Variants in TNRC18 observed in about 807,000 individuals in gnomAD.
TNRC18 encodes trinucleotide repeat containing 18.
Under a neutral mutation model 226.7 loss-of-function variants are expected in TNRC18, and 69 were observed. The ratio of observed to expected loss-of-function variants is 0.30; its 90% CI spans 0.25 to 0.37. The LOEUF is 0.37. Among genes scored for constraint, TNRC18 ranks in the 10% least tolerant of loss-of-function variants. The probability of loss-of-function intolerance (pLI) is 1.00; values close to 1 mark genes in which losing one functional copy is unlikely to be tolerated. For synonymous variants in TNRC18, 2,449 were observed against 1,927.6 expected (o/e 1.27, Z -7.09); for missense variants, 4,754 against 4,256.6 (o/e 1.12, Z -3.25).
Position 5,315,162 on chromosome 7 carries a change from G to C in TNRC18, c.6863-14C>G. ...ACGGCTCAGCACCTGTGGGGCAGAGGACAGAGTGGCTCATCAGGCCTGGGG... is the reference window on the plus strand; with the variant it reads ...ACGGCTCAGCACCTGTGGGGCAGAGCACAGAGTGGCTCATCAGGCCTGGGG... On this transcript the variant is annotated splice_polypyrimidine_tract_variant and intron_variant, in intron 25 of 29. Coordinates refer to ENST00000430969, the MANE Select transcript of TNRC18 (RefSeq NM_001080495.3). 6 of 1,609,112 alleles carry C rather than the reference G, an allele frequency of 3.7e-6. No homozygotes were observed. The highest frequency in any genetic ancestry group is 5.1e-6 in the Non-Finnish European group (6 of 1,178,300).
At chr7:5,403,544 G>C (rs964018118) in intron 2 of TNRC18, among the ~76,000 whole-genome samples, 1 of 152,094 alleles carries the variant, frequency 6.6e-6, no homozygotes, top group African/African-American at 2.4e-5. Context: ...GTCAATCCTA[G>C]GACTTTGGGA....
chr7:5,398,734 C>T (rs1780878670), intron 2 of TNRC18, among the ~76,000 whole-genome samples: 1 of 152,148 alleles, frequency 6.6e-6, no homozygotes, highest in Admixed American at 6.6e-5. Flanking sequence ...CCTCCAGCCT[C>T]AGCCTCCTGG....
chr7:5,382,521 T>C (rs1779468733), intron 5 of TNRC18, among the ~76,000 whole-genome samples: 1 of 152,040 alleles, frequency 6.6e-6, no homozygotes, highest in African/African-American at 2.4e-5. Flanking sequence ...CCAGATAGGG[T>C]TGCTCTCCAG....
At chr7:5,355,257 A>T (rs1334099052) in intron 16 of TNRC18, among the ~76,000 whole-genome samples, 4 of 151,186 alleles carry the variant, frequency 2.6e-5, no homozygotes, top group African/African-American at 9.8e-5. Context: ...AACCATGAGG[A>T]CGCTCCAATC....
Position 5,332,887 on chromosome 7 carries a change from G to C in TNRC18, c.5882C>G (p.Ala1961Gly), listed in dbSNP as rs1429606272. ...GCGCCCCTTCTCCACCGCCAGCTTG[G>C]CCTTGTCTGGGCTGCTGGGGTCGGG... ...RGPDPSSPDK[A>G]KLAVEKGRKA... is the part of the protein sequence containing the mutation. The change falls in exon 19 of 30, where the codon GCC becomes GGC. Residue 1961 changes from alanine (A) to glycine (G), a missense_variant. Physicochemically the swap from Ala to Gly is moderately conservative, Grantham distance 60. Coordinates refer to ENST00000430969, the MANE Select transcript of TNRC18 (RefSeq NM_001080495.3). The C allele has an allele frequency of 6.6e-7, 1 of 1,525,314 alleles. No homozygotes were observed. The highest frequency in any genetic ancestry group is 1.4e-5 in the African/African-American group (1 of 71,598). 94.5% of individuals were successfully genotyped at this position (1,525,314 alleles called of 1,614,324 possible).
In TNRC18 at chr7:5,325,176, C is replaced by T; in HGVS notation, c.6220G>A (p.Ala2074Thr). ...AGGGAGCTGGCGTGAGGAGCCCTGG[C>T]CTCAGAGGGCAAGGCAGGAGCTCGG... ...PPRAPALPSE[A>T]RAPHASSLTA... is the part of the protein sequence containing the mutation. The change falls in exon 20 of 30, where the codon GCC (alanine) becomes ACC (threonine). Residue 2074 changes from alanine (A) to threonine (T), a missense_variant. Coordinates refer to ENST00000430969, the MANE Select transcript of TNRC18 (RefSeq NM_001080495.3). 6.4e-7 allele frequency: 1 copy of T among 1,553,734 alleles called. No individual in the cohort carries two copies. The highest frequency in any genetic ancestry group is 8.7e-7 in the Non-Finnish European group (1 of 1,148,940).
rs1158406560 is a variant in TNRC18, at chr7:5,359,469, C to T, written c.4762G>A (p.Gly1588Arg). 4.3e-6 allele frequency: 7 copies of T among 1,613,926 alleles called. No homozygotes were observed. The highest frequency in any genetic ancestry group is 2.2e-5 in the South Asian group (2 of 91,092). ...TTCCTCCCCCTGGCTTTCCCCATTC[C>T]GATGAGGGCATCATGTTCCTCCTCA... ...GSEEEHDALIGMGKARGRNQT... is the reference protein window; with the variant it reads ...GSEEEHDALIRMGKARGRNQT... Residue 1588 changes from glycine (G) to arginine (R), a missense_variant, in exon 15 of 30, where the codon GGA becomes AGA. Coordinates refer to ENST00000430969, the MANE Select transcript of TNRC18 (RefSeq NM_001080495.3).
intron 2 of TNRC18, among the ~76,000 whole-genome samples, chr7:5,400,498 TAC>T (rs1781009887): frequency 6.6e-6 from 1 of 152,058 alleles, no homozygotes. Context: ...TAGTCCCAGC[TAC>T]TCGGGAGGTT....
At chr7:5,379,793 T>G (rs1362742929) in intron 5 of TNRC18, among the ~76,000 whole-genome samples, 2 of 152,178 alleles carry the variant, frequency 1.3e-5, no homozygotes, top group Admixed American at 6.5e-5. Flanking sequence ...GGCTCCCAGG[T>G]GCCATTCGCA....
rs902802188 is a variant in TNRC18, at chr7:5,313,169, GCTGCTGCTGCTGCTGCTA to G, written c.7704_7721del (p.Ser2572_Ser2577del). 3.9e-6 allele frequency: 6 copies of G among 1,540,016 alleles called. No homozygotes were observed. Among genetic ancestry groups the G allele is most frequent in the Admixed American group, 2.0e-5 (1 of 50,902 alleles). Reference sequence around the variant, plus strand: ...CTTCTGTCTCCGAGCCGCTGCTGCTGCTGCTGCTGCTGCTGCTACTGCTGCCACTACTGCTGCTGCTGC... The same window carrying G: ...CTTCTGTCTCCGAGCCGCTGCTGCTGCTGCTGCCACTACTGCTGCTGCTGC... On this transcript the variant is annotated inframe_deletion, in exon 27 of 30. Coordinates refer to ENST00000430969, the MANE Select transcript of TNRC18 (RefSeq NM_001080495.3).
At position 5,307,963 on chromosome 7, in the gene TNRC18, T is replaced by G. The variant is rs1346349782; in HGVS notation, c.*143A>C. 1.4e-6 allele frequency: 1 copy of G among 719,950 alleles called. No homozygotes were observed. The highest frequency in any genetic ancestry group is 2.3e-6 in the Non-Finnish European group (1 of 438,368). The allele number at this position is 719,950 out of a possible 1,614,324, so 44.6% of individuals were successfully genotyped here. On this transcript the variant is annotated 3_prime_UTR_variant, in exon 30 of 30. Coordinates refer to ENST00000430969, the MANE Select transcript of TNRC18 (RefSeq NM_001080495.3). ...GCATGCACACACACTCACCCGGGCA[T>G]CCACGTGCACACCTGGCCCCATGCA...
intron 19 of TNRC18, among the ~76,000 whole-genome samples, chr7:5,327,029 C>T (rs1788989679): frequency 6.6e-6 from 1 of 151,782 alleles, no homozygotes; most frequent in African/African-American, 2.4e-5. Context: ...GAGGCTGAGG[C>T]AGGAGAATCG....
chr7:5,422,047 G>C (rs532565353), intron 1 of TNRC18, among the ~76,000 whole-genome samples: 1 of 152,092 alleles, frequency 6.6e-6, no homozygotes, highest in Non-Finnish European at 1.5e-5. Context: ...GGGGTGGGAG[G>C]AGGGAGGGTC....
rs770298403 is a variant in TNRC18, at chr7:5,361,943, C to G, written c.4486G>C (p.Glu1496Gln). The G allele has an allele frequency of 1.9e-6, 3 of 1,609,310 alleles. No individual in the cohort carries two copies. The South Asian group carries it at 3.3e-5, about 18-fold the overall frequency. The part of the protein sequence containing the change: ...RLAEVQRQYK[E>Q]KQRELVKLQR... ...AGCTTCACCAGCTCACGCTGCTTCT[C>G]CTTGTACTGGCGCTGCACCTCGGCC... The change falls in exon 13 of 30, where the codon GAG (glutamate) becomes CAG (glutamine). Residue 1496 changes from glutamate (E) to glutamine (Q), a missense_variant. Glu to Gln is a conservative substitution (Grantham distance 29). Coordinates refer to ENST00000430969, the MANE Select transcript of TNRC18 (RefSeq NM_001080495.3).
intron 11 of TNRC18, among the ~76,000 whole-genome samples, chr7:5,367,467 G>A (rs1793726435): frequency 6.6e-6 from 1 of 150,430 alleles, no homozygotes; most frequent in African/African-American, 2.4e-5. Context: ...CACTCTTGTT[G>A]CCCAGGCTGG....
In TNRC18 at chr7:5,315,177, C is replaced by T. The variant is rs754746741; in HGVS notation, c.6863-29G>A. On this transcript the variant is annotated intron_variant, in intron 25 of 29. Coordinates refer to ENST00000430969, the MANE Select transcript of TNRC18 (RefSeq NM_001080495.3). ...TGGGGCAGAGGACAGAGTGGCTCAT[C>T]AGGCCTGGGGTCCCCAGCTTGGAGC... The T allele has an allele frequency of 3.1e-6, 5 of 1,602,394 alleles. No individual in the cohort carries two copies. In the South Asian group the frequency reaches 5.6e-5, roughly 18 times the overall value.
Position 5,388,251 on chromosome 7 carries a change from C to T in TNRC18, c.1573G>A (p.Val525Met), listed in dbSNP as rs746829993. ...CTGTGGTGGTGCTGCGCGGCCAGCA[C>T]GGCCATCTGCGTGGCGGCGAAGTTG... is the stretch of plus-strand genomic sequence containing the variant. ...LGNFAATQMAVLAAQHHHSRA... is the reference protein window; with the variant it reads ...LGNFAATQMAMLAAQHHHSRA... The change falls in exon 5 of 30, where the codon GTG becomes ATG. Residue 525 changes from valine (V) to methionine (M), a missense_variant. Coordinates refer to ENST00000430969, the MANE Select transcript of TNRC18 (RefSeq NM_001080495.3). The T allele has an allele frequency of 3.1e-6, 5 of 1,606,718 alleles. No homozygotes were observed. Among genetic ancestry groups the T allele is most frequent in the South Asian group, 1.1e-5 (1 of 90,452 alleles).
In TNRC18 at chr7:5,320,299, T is replaced by G; in HGVS notation, c.6745+19A>C. The G allele has an allele frequency of 6.5e-7, 1 of 1,538,640 alleles. No homozygotes were observed. The highest frequency in any genetic ancestry group is 8.8e-7 in the Non-Finnish European group (1 of 1,136,046). On this transcript the variant is annotated intron_variant, in intron 24 of 29. Transcript: ENST00000430969. The stretch of plus-strand genomic sequence containing the variant: ...GAGATGTTAGGCGGCAGGGGAGAGC[T>G]GGGGAGGAGGCATCTCACCTCGGAC...
rs754645192 is a variant in TNRC18 at position 5,308,215 on chromosome 7, A to G, written c.8798T>C (p.Leu2933Pro). The G allele has an allele frequency of 1.2e-6, 2 of 1,611,520 alleles. No individual in the cohort carries two copies. The highest frequency in any genetic ancestry group is 1.1e-5 in the South Asian group (1 of 90,610). The change falls in exon 30 of 30, where the codon CTG (leucine) becomes CCG (proline). Residue 2933 changes from leucine to proline, a missense_variant. Leu to Pro is a moderately conservative substitution (Grantham distance 98). Transcript: ENST00000430969. The part of the protein sequence containing the change: ...VVGLEQYEQM[L>P]KTKKYQDSEG... ...GCTGTCCTGGTACTTCTTGGTCTTC[A>G]GCATCTGCTCATACTGCTCCAGGCC...
Sources: allele counts gnomAD v4.1 joint callset (sites outside exome capture counted in the v4.1 genomes callset), GRCh38; gene constraint gnomAD v4.1.1; transcripts MANE v1.5; gene names NCBI Gene and HGNC (gene_info 2026-07-23, HGNC 2026-07-21).